The following CYB5A variants were observed in gnomAD, a reference collection of about 807,000 sequenced individuals.
CYB5A encodes the protein cytochrome b5 type A.
In CYB5A, 10 loss-of-function variants were observed where a neutral mutation model predicts 16.2. The observed-to-expected ratio is 0.62, with a 90% CI of 0.38 to 1.04. The LOEUF (loss-of-function observed/expected upper bound fraction) is 1.04, where lower values mean the gene tolerates loss of function less well. CYB5A is among the 50% of genes least tolerant of loss of function. The pLI, the probability that CYB5A is intolerant of heterozygous loss-of-function variation, is 0.01. For synonymous variants in CYB5A, 62 were observed against 57.0 expected (o/e 1.09, Z -0.40); for missense variants, 161 against 165.9 (o/e 0.97, Z 0.16).
At chr18:74,254,766 T>C (rs13381423) in intron 4 of CYB5A, among the ~76,000 whole-genome samples, 7,853 of 151,544 alleles carry the variant, frequency 0.052, 466 homozygotes, top group East Asian at 0.18. Flanking sequence ...GTGATCCACC[T>C]GCCTCGGCCT....
chr18:74,276,967 T>A (rs777016820), intron 1 of CYB5A, among the ~76,000 whole-genome samples: 1 of 152,222 alleles, frequency 6.6e-6, no homozygotes, highest in African/African-American at 2.4e-5. Context: ...GCTAAGTGAC[T>A]GAAGTCCATC....
At chr18:74,259,731 G>T (rs191377531) in intron 3 of CYB5A, 52 of 152,218 alleles carry the variant, frequency 3.4e-4, no homozygotes, top group African/African-American at 1.3e-3. Flanking sequence ...TCCCTTAAGA[G>T]ACTTCAGAGA....
At chr18:74,263,227 A>T (rs1045281408) in intron 2 of CYB5A, 122 bp downstream of exon 2, 2 of 1,277,320 alleles carry the variant, frequency 1.6e-6, no homozygotes, top group Non-Finnish European at 2.3e-6. Context: ...GGTGTCCTAA[A>T]ATCAGGAGTT....
chr18:74,253,177 G>T lies in CYB5A; in HGVS notation c.*407C>A, dbSNP rs945966626. ...AAGGAGACACTCAAACCTATTTCCC[G>T]CACCTCCAGTCATATGGCCTCTGTG... On this transcript the variant is annotated 3_prime_UTR_variant, in exon 5 of 5. Transcript: ENST00000340533. 2.1e-5 allele frequency: 5 copies of T among 238,620 alleles called. No individual in the cohort carries two copies. Among genetic ancestry groups the T allele is most frequent in the Non-Finnish European group, 4.2e-5 (5 of 120,194 alleles). 14.8% of individuals were successfully genotyped at this position (238,620 alleles called of 1,614,324 possible).
chr18:74,282,515 G>T (rs902332734), intron 1 of CYB5A, among the ~76,000 whole-genome samples: 2 of 152,178 alleles, frequency 1.3e-5, no homozygotes, highest in Non-Finnish European at 2.9e-5. Flanking sequence ...CCGGACATGG[G>T]CCAGGTGCAC....
intron 1 of CYB5A, among the ~76,000 whole-genome samples, chr18:74,281,233 G>A (rs776227204): frequency 1.9e-4 from 29 of 152,330 alleles, no homozygotes; most frequent in South Asian, 8.3e-4. Context: ...GGGAGCAGGT[G>A]TGTTTCCCAC....
chr18:74,262,012 C>T (rs1383847184), intron 2 of CYB5A, among the ~76,000 whole-genome samples: 1 of 152,194 alleles, frequency 6.6e-6, no homozygotes, highest in African/African-American at 2.4e-5. Flanking sequence ...GGATCCACTC[C>T]AGAAGCTCAG....
chr18:74,282,259 A>AG (rs1385304064), intron 1 of CYB5A, among the ~76,000 whole-genome samples: 1 of 152,218 alleles, frequency 6.6e-6, no homozygotes, highest in Non-Finnish European at 1.5e-5. Flanking sequence ...GTGTGGAAAA[A>AG]GGGGGTAAAA....
At chr18:74,268,283 G>T (rs185954901) in intron 1 of CYB5A, among the ~76,000 whole-genome samples, 1 of 152,322 alleles carries the variant, frequency 6.6e-6, no homozygotes, top group East Asian at 1.9e-4. Flanking sequence ...GTCAGGACGG[G>T]CCCTGCTGAG....
intron 1 of CYB5A, among the ~76,000 whole-genome samples, chr18:74,264,691 C>T (rs924524331): frequency 6.6e-6 from 1 of 152,154 alleles, no homozygotes; most frequent in Admixed American, 6.5e-5. Flanking sequence ...GGCAGGGGTT[C>T]AACTCCACAC....
At chr18:74,291,287 G>C (rs1983524284) in intron 1 of CYB5A, among the ~76,000 whole-genome samples, 1 of 152,260 alleles carries the variant, frequency 6.6e-6, no homozygotes, top group Non-Finnish European at 1.5e-5. Context: ...ATGGCTGCGC[G>C]CTATCCCCGG....
intron 1 of CYB5A, 67 bp from the exon 2 acceptor site, chr18:74,263,544 A>C (rs892401610): frequency 7.0e-7 from 1 of 1,433,710 alleles, no homozygotes; most frequent in Non-Finnish European, 9.8e-7. Context: ...AAACGGCCAG[A>C]ATTTATTTAA....
At chr18:74,261,881 C>T (rs959257110) in intron 2 of CYB5A, among the ~76,000 whole-genome samples, 2 of 152,096 alleles carry the variant, frequency 1.3e-5, no homozygotes, top group African/African-American at 4.8e-5. Context: ...GAGAGCAGAG[C>T]GGGCTCCTAG....
chr18:74,264,290 G>C (rs1006161733), intron 1 of CYB5A, among the ~76,000 whole-genome samples: 2 of 151,924 alleles, frequency 1.3e-5, no homozygotes, highest in Non-Finnish European at 2.9e-5. Context: ...CACTCATACA[G>C]CTTAGTAAAA....
rs1036689036 is a variant in CYB5A, at chr18:74,251,555, T to A, written c.*2029A>T. On this transcript the variant is annotated 3_prime_UTR_variant, in exon 5 of 5. Coordinates refer to ENST00000340533, the MANE Select transcript of CYB5A (RefSeq NM_148923.4). ...GGAGGCAGGTTGGCCCTAAGCAGTT[T>A]CCAGCTTGAGTTTTCCTTAGTGATT... 6.6e-6 allele frequency: 1 copy of A among 152,198 alleles called. No homozygotes were observed. The allele number at this position is 152,198 out of a possible 1,614,324, so 9.4% of individuals were successfully genotyped here. A position where few individuals can be genotyped will look rare whatever the true frequency, so the allele number is the denominator to read the frequency against.
intron 1 of CYB5A, among the ~76,000 whole-genome samples, chr18:74,280,234 A>G (rs1182921957): frequency 6.6e-6 from 1 of 152,166 alleles, no homozygotes; most frequent in Non-Finnish European, 1.5e-5. Context: ...TACTACATCT[A>G]AGAATTCTTT....
rs554514064 is a variant in CYB5A at position 74,256,503 on chromosome 18, T to C, written c.289-728A>G. 1.6e-4 allele frequency: 58 copies of C among 366,844 alleles called. No homozygotes were observed. The South Asian group carries it at 3.2e-3, about 20-fold the overall frequency. 22.7% of individuals were successfully genotyped at this position (366,844 alleles called of 1,614,324 possible). On this transcript the variant is annotated intron_variant, in intron 3 of 4. Coordinates refer to ENST00000340533, the MANE Select transcript of CYB5A (RefSeq NM_148923.4). Reference sequence around the variant, plus strand: ...GAGTAGCACTAAAGTGAATGGACAATGGTTCTGGAAAAACGCATACTTCTC... The same window carrying C: ...GAGTAGCACTAAAGTGAATGGACAACGGTTCTGGAAAAACGCATACTTCTC...
At chr18:74,287,046 C>T (rs1983347410) in intron 1 of CYB5A, among the ~76,000 whole-genome samples, 1 of 152,082 alleles carries the variant, frequency 6.6e-6, no homozygotes, top group Non-Finnish European at 1.5e-5. Flanking sequence ...GTTCACATTC[C>T]CCAGGTGGCC....
intron 1 of CYB5A, among the ~76,000 whole-genome samples, chr18:74,286,671 C>A (rs1436804283): frequency 6.6e-6 from 1 of 152,210 alleles, no homozygotes; most frequent in African/African-American, 2.4e-5. Flanking sequence ...CTAACCCCAG[C>A]CCAGTGCTTT....
Sources: gnomAD v4.1 joint callset for allele counts (sites outside exome capture counted in the v4.1 genomes callset) on GRCh38, gnomAD v4.1.1 for gene constraint, MANE v1.5 for transcripts, NCBI Gene and HGNC (gene_info 2026-07-23, HGNC 2026-07-21) for gene names.